The following PPIP5K2 variants were observed in gnomAD, a reference collection of about 807,000 sequenced individuals.
The protein encoded by PPIP5K2 is inositol hexakisphosphate and diphosphoinositol-pentakisphosphate kinase 2.
A neutral mutation model predicts 154.6 loss-of-function variants in PPIP5K2; 105 were observed. The observed-to-expected ratio is 0.68, with a 90% confidence interval of 0.58 to 0.80. The LOEUF is 0.80. PPIP5K2 is among the 30% of genes least tolerant of loss of function. The probability of loss-of-function intolerance (pLI) is 0.00; values close to 1 mark genes in which losing one functional copy is unlikely to be tolerated. For synonymous variants in PPIP5K2, 480 were observed against 490.3 expected, an observed-to-expected ratio of 0.98 and a Z score of 0.28; for missense variants, 992 against 1,504.6, an observed-to-expected ratio of 0.66 and a Z score of 5.64.
At chr5:103,149,063 A>AT in intron 7 of PPIP5K2, 89 bp from the exon 8 acceptor site, 2 of 1,056,222 alleles carry the variant, frequency 1.9e-6, no homozygotes, top group East Asian at 3.0e-5. Context: ...TTTTTTAGTA[A>AT]TTTTTTCATT....
rs1200184907 is a variant in PPIP5K2 at position 103,208,218 on chromosome 5, G to C, written c.*6584G>C. ...TGATTCTCCTCCCTCAGCCTCCAGA[G>C]TAGCTGGGATTACAGGCGCCCGCCA... On this transcript the variant is annotated 3_prime_UTR_variant, in exon 31 of 31. Coordinates refer to ENST00000358359, the MANE Select transcript of PPIP5K2 (RefSeq NM_001276277.3). 1.3e-5 allele frequency: 2 copies of C among 152,132 alleles called. No individual in the cohort carries two copies. Among genetic ancestry groups the C allele is most frequent in the African/African-American group, 4.8e-5 (2 of 41,324 alleles). The allele number at this position is 152,132 out of a possible 1,614,324, so 9.4% of individuals were successfully genotyped here.
At chr5:103,143,038 AATTTTCTTTTT>A (rs762934667) in intron 5 of PPIP5K2, among the ~76,000 whole-genome samples, 89 of 152,166 alleles carry the variant, frequency 5.8e-4, no homozygotes, top group Non-Finnish European at 1.2e-3. Flanking sequence ...GAGTTTTTAA[AATTTTCTTTTT>A]ATTTTCTTTG....
intron 2 of PPIP5K2, among the ~76,000 whole-genome samples, chr5:103,129,923 G>A (rs568954950): frequency 6.6e-6 from 1 of 152,240 alleles, no homozygotes; most frequent in East Asian, 1.9e-4. Context: ...TCAGTGATAC[G>A]CATAGTGTAA....
At chr5:103,156,062 T>A in intron 14 of PPIP5K2, 68 bp downstream of exon 14, 2 of 1,072,922 alleles carry the variant, frequency 1.9e-6, no homozygotes, top group Non-Finnish European at 2.8e-6. Context: ...GTTGATTACC[T>A]TTGGACCATC....
At chr5:103,130,643 T>C (rs1166824572) in intron 2 of PPIP5K2, among the ~76,000 whole-genome samples, 1 of 152,182 alleles carries the variant, frequency 6.6e-6, no homozygotes, top group Non-Finnish European at 1.5e-5. Flanking sequence ...CTCCTGCCCC[T>C]GAAAAACTAG....
chr5:103,127,479 A>G (rs1433715262), intron 1 of PPIP5K2, among the ~76,000 whole-genome samples: 1 of 152,240 alleles, frequency 6.6e-6, no homozygotes, highest in Non-Finnish European at 1.5e-5. Flanking sequence ...ACTTAATACT[A>G]TGCCTTCTAT....
rs1554198537 is a variant in PPIP5K2 at position 103,120,409 on chromosome 5, C to T, written c.-364C>T. On this transcript the variant is annotated 5_prime_UTR_variant, in exon 1 of 31. Coordinates refer to ENST00000358359, the MANE Select transcript of PPIP5K2 (RefSeq NM_001276277.3). ...TTGACAAACACCTCACCCCTGCCTC[C>T]GGGATGAAAGGGGGTAACCTAGACC... 2.2e-6 allele frequency: 1 copy of T among 456,676 alleles called. No homozygotes were observed. Among genetic ancestry groups the T allele is most frequent in the Middle Eastern group, 3.3e-4 (1 of 3,076 alleles). The allele number at this position is 456,676 out of a possible 1,614,324, so 28.3% of individuals were successfully genotyped here.
intron 4 of PPIP5K2, among the ~76,000 whole-genome samples, chr5:103,137,234 C>G (rs1336775649): frequency 4.0e-5 from 6 of 150,266 alleles, no homozygotes; most frequent in Non-Finnish European, 8.9e-5. Context: ...GGGATCTCAG[C>G]TCACTGCAAG....
chr5:103,159,289 T>A lies in PPIP5K2; in HGVS notation c.1881T>A (p.Leu627=). The A allele has an allele frequency of 1.2e-6, 2 of 1,612,098 alleles. No individual in the cohort carries two copies. The highest frequency in any genetic ancestry group is 1.7e-6 in the Non-Finnish European group (2 of 1,179,410). ...TGAAGGCAAGGCTTCATGAAATACT[T>A]CAGAAAGACAGAGATTTTACTGCTG... The part of the protein sequence containing the change: ...QRVKARLHEI[L]QKDRDFTAED... The change falls in exon 17 of 31, where the codon CTT becomes CTA. Residue 627 remains leucine, a synonymous_variant. Transcript: ENST00000358359.
In PPIP5K2 at chr5:103,202,318, C is replaced by T. The variant is rs1279399585; in HGVS notation, c.*684C>T. On this transcript the variant is annotated 3_prime_UTR_variant, in exon 31 of 31. Coordinates refer to ENST00000358359, the MANE Select transcript of PPIP5K2 (RefSeq NM_001276277.3). ...ATATTTTCTTTATATATTTCCTTACCATACAAGGTGCCTTGTTCATCAGGA... is the reference window on the plus strand; with the variant it reads ...ATATTTTCTTTATATATTTCCTTACTATACAAGGTGCCTTGTTCATCAGGA... 1 of 152,266 alleles carries T rather than the reference C, an allele frequency of 6.6e-6. No individual in the cohort carries two copies. Among genetic ancestry groups the T allele is most frequent in the East Asian group, 1.9e-4 (1 of 5,178 alleles). The allele number at this position is 152,266 out of a possible 1,614,324, so 9.4% of individuals were successfully genotyped here. A position where few individuals can be genotyped will look rare whatever the true frequency, so the allele number is the denominator to read the frequency against.
rs924988050 is a variant in PPIP5K2, at chr5:103,205,312, A to T, written c.*3678A>T. 6.6e-6 allele frequency: 1 copy of T among 152,192 alleles called. No individual in the cohort carries two copies. Among genetic ancestry groups the T allele is most frequent in the Non-Finnish European group, 1.5e-5 (1 of 68,032 alleles). 9.4% of individuals were successfully genotyped at this position (152,192 alleles called of 1,614,324 possible). ...AGTGCCACAATAAACATACGTGTGCATGTGTCTTTATAGTGGCATGATTTA... is the reference window on the plus strand; with the variant it reads ...AGTGCCACAATAAACATACGTGTGCTTGTGTCTTTATAGTGGCATGATTTA... On this transcript the variant is annotated 3_prime_UTR_variant, in exon 31 of 31. Transcript: ENST00000358359.
chr5:103,173,166 A>G lies in PPIP5K2; in HGVS notation c.2298A>G (p.Ile766Met), dbSNP rs1798216776. Residue 766 changes from isoleucine to methionine, a missense_variant, in exon 20 of 31, where the codon ATA becomes ATG. Ile to Met is a conservative substitution (Grantham distance 10). Transcript: ENST00000358359. ...TATTTTTTGCTCAGGAATATGGTAT[A>G]ACTAAAGCTGAAAAACTGGAGATTG... ...ADIVIPQEYG[I>M]TKAEKLEIAK... The G allele has an allele frequency of 1.9e-6, 3 of 1,605,578 alleles. No individual in the cohort carries two copies. The East Asian group carries it at 6.7e-5, about 36-fold the overall frequency.
In PPIP5K2 at chr5:103,180,048, GATA is replaced by G; in HGVS notation, c.2785_2787del (p.Asn929del). On this transcript the variant is annotated inframe_deletion, in exon 24 of 31. Transcript: ENST00000358359. ...TGAAGGCAGGAGACCTTTTAAAATTGATAATGATGATGAACCACATACTTCTAA... is the reference window on the plus strand; with the variant it reads ...TGAAGGCAGGAGACCTTTTAAAATTGATGATGATGAACCACATACTTCTAA... The G allele has an allele frequency of 1.3e-6, 2 of 1,549,356 alleles. No individual in the cohort carries two copies. The highest frequency in any genetic ancestry group is 1.7e-6 in the Non-Finnish European group (2 of 1,150,682).
Position 103,146,526 on chromosome 5 carries a change from G to T in PPIP5K2, c.488-1G>T. On this transcript the variant is annotated splice_acceptor_variant, in intron 5 of 30. Coordinates refer to ENST00000358359, the MANE Select transcript of PPIP5K2 (RefSeq NM_001276277.3). LOFTEE classifies it high-confidence loss of function. ...TTCTTGCAATCGTGTTTGTTTTATAGAATGTAATCTGATTGAAGGGGAAGA... is the reference window on the plus strand; with the variant it reads ...TTCTTGCAATCGTGTTTGTTTTATATAATGTAATCTGATTGAAGGGGAAGA... The T allele has an allele frequency of 6.2e-7, 1 of 1,608,894 alleles. No individual in the cohort carries two copies. The highest frequency in any genetic ancestry group is 8.5e-7 in the Non-Finnish European group (1 of 1,177,974).
chr5:103,176,615 G>A (rs1296156876), intron 21 of PPIP5K2, among the ~76,000 whole-genome samples: 1 of 150,678 alleles, frequency 6.6e-6, no homozygotes, highest in Non-Finnish European at 1.5e-5. Context: ...CCATAATATT[G>A]TATACTCTTA....
At chr5:103,140,247 A>C (rs1384776576) in intron 5 of PPIP5K2, among the ~76,000 whole-genome samples, 1 of 152,186 alleles carries the variant, frequency 6.6e-6, no homozygotes, top group Non-Finnish European at 1.5e-5. Flanking sequence ...AAGTTTATTG[A>C]AATAAGCAAT....
rs1800092480 is a variant in PPIP5K2, at chr5:103,184,734, T to C, written c.3159T>C (p.Asn1053=). The change falls in exon 26 of 31, where the codon AAT becomes AAC. Residue 1053 remains asparagine, a synonymous_variant. Coordinates refer to ENST00000358359, the MANE Select transcript of PPIP5K2 (RefSeq NM_001276277.3). Reference sequence around the variant, plus strand: ...GAACTCTTGTGGAACAGAAGCAGAATCCTACTGTAGGTATGTGGTGTAAAG... The same window carrying C: ...GAACTCTTGTGGAACAGAAGCAGAACCCTACTGTAGGTATGTGGTGTAAAG... ...TPRTLVEQKQ[N]PTVGSHCAGL... 1.2e-6 allele frequency: 2 copies of C among 1,611,548 alleles called. No individual in the cohort carries two copies. Among genetic ancestry groups the C allele is most frequent in the Non-Finnish European group, 1.7e-6 (2 of 1,177,960 alleles).
At chr5:103,143,200 A>C (rs1178897046) in intron 5 of PPIP5K2, among the ~76,000 whole-genome samples, 1 of 152,216 alleles carries the variant, frequency 6.6e-6, no homozygotes, top group Non-Finnish European at 1.5e-5. Context: ...AGAGAGAATT[A>C]CATATGTGTA....
Position 103,194,899 on chromosome 5 carries a change from G to C in PPIP5K2, c.3494-1G>C. 6.3e-7 allele frequency: 1 copy of C among 1,599,916 alleles called. No individual in the cohort carries two copies. The highest frequency in any genetic ancestry group is 8.5e-7 in the Non-Finnish European group (1 of 1,174,844). ...TAACATGTTTGTTTATTTTTTTTCA[G>C]CCTCTACAGCTTTACGTTCCAGTCC... On this transcript the variant is annotated splice_acceptor_variant, in intron 29 of 30. Transcript: ENST00000358359. LOFTEE classifies it high-confidence loss of function.
Sources: gnomAD v4.1 joint callset for allele counts (sites outside exome capture counted in the v4.1 genomes callset) on GRCh38, gnomAD v4.1.1 for gene constraint, MANE v1.5 for transcripts, NCBI Gene and HGNC (gene_info 2026-07-23, HGNC 2026-07-21) for gene names.